Variants in VPS37A observed in about 807,000 individuals in gnomAD.
VPS37A encodes the protein vacuolar protein sorting-associated protein 37A.
In VPS37A, 30 loss-of-function variants were observed where a neutral mutation model predicts 49.8. The ratio of observed to expected loss-of-function variants is 0.60; its 90% CI spans 0.45 to 0.82. The LOEUF (loss-of-function observed/expected upper bound fraction) is 0.82, where lower values mean the gene tolerates loss of function less well. VPS37A is among the 40% of genes least tolerant of loss of function. The pLI, the probability that VPS37A is intolerant of heterozygous loss-of-function variation, is 0.00. For missense variants in VPS37A, 593 were observed against 464.4 expected, an observed-to-expected ratio of 1.28 and a Z score of -2.55; for synonymous variants, 195 against 160.6, an observed-to-expected ratio of 1.21 and a Z score of -1.62.
Position 17,274,965 on chromosome 8 carries a change from A to G in VPS37A, c.642+7A>G, listed in dbSNP as rs769392659. 1 of 1,610,428 alleles carries G rather than the reference A, an allele frequency of 6.2e-7. No homozygotes were observed. Among genetic ancestry groups the G allele is most frequent in the Non-Finnish European group, 8.5e-7 (1 of 1,176,724 alleles). On this transcript the variant is annotated splice_region_variant and intron_variant, in intron 5 of 11. Coordinates refer to ENST00000324849, the MANE Select transcript of VPS37A (RefSeq NM_152415.3). ...AGTGGATGCTTCAATACCGGTTGGTATCGTCAGTTATCTATATTTTGTGCC... is the reference window on the plus strand; with the variant it reads ...AGTGGATGCTTCAATACCGGTTGGTGTCGTCAGTTATCTATATTTTGTGCC...
chr8:17,294,301 C>A (rs1454005822), intron 11 of VPS37A, among the ~76,000 whole-genome samples: 1 of 152,132 alleles, frequency 6.6e-6, no homozygotes, highest in South Asian at 2.1e-4. Flanking sequence ...ACGCCCCTCC[C>A]CCCACCAAGC....
At chr8:17,319,025 G>C in the VPS37A span, among the ~76,000 whole-genome samples, 1 of 152,240 alleles carries the variant, frequency 6.6e-6, no homozygotes, top group Non-Finnish European at 1.5e-5. Context: ...AGCTTACTCT[G>C]CCATCTTGGG....
In VPS37A at chr8:17,256,738, C is replaced by T. The variant is rs574685807; in HGVS notation, c.126-9169C>T. Among the ~76,000 whole-genome samples, 7 of 151,916 alleles carry T rather than the reference C, an allele frequency of 4.6e-5. No individual in the cohort carries two copies. In the South Asian group the frequency reaches 1.5e-3, roughly 32 times the overall value. ...CACTGTCTCGGCTCACCACAACCTC[C>T]GCCTCCCGGATTCAAGCAATTTTCC... On this transcript the variant is annotated intron_variant, in intron 1 of 11. Transcript: ENST00000324849.
chr8:17,304,365 A>C (rs1817314237), downstream of VPS37A: 9 of 1,606,638 alleles, frequency 5.6e-6, no homozygotes, highest in Non-Finnish European at 7.7e-6. Context: ...CAAAGTTACC[A>C]AGGATTTACA....
At chr8:17,312,225 G>C in the VPS37A span, among the ~76,000 whole-genome samples, 4 of 152,162 alleles carry the variant, frequency 2.6e-5, no homozygotes, top group African/African-American at 9.7e-5. Flanking sequence ...AAACATGGGA[G>C]AGATTTCATC....
chr8:17,258,517 T>C (rs1399531557), intron 1 of VPS37A, among the ~76,000 whole-genome samples: 2 of 152,178 alleles, frequency 1.3e-5, no homozygotes, highest in Non-Finnish European at 2.9e-5. Context: ...TGATCTTTTT[T>C]AATGTTTTGT....
chr8:17,302,074 A>T (rs780790370), downstream of VPS37A: 1 of 1,572,672 alleles, frequency 6.4e-7, no homozygotes, highest in African/African-American at 1.4e-5. Context: ...TATTGCACTG[A>T]ATCTTAAGAG....
chr8:17,305,890 A>C (rs1159182426), downstream of VPS37A: 1 of 1,613,794 alleles, frequency 6.2e-7, no homozygotes, highest in Non-Finnish European at 8.5e-7. Context: ...ATTAACTGCC[A>C]AACACACTCA....
chr8:17,315,960 C>T, the VPS37A span, among the ~76,000 whole-genome samples: 1 of 152,316 alleles, frequency 6.6e-6, no homozygotes, highest in East Asian at 1.9e-4. Flanking sequence ...CTGCAGTGAG[C>T]TATGATCTTG....
downstream of VPS37A, among the ~76,000 whole-genome samples, chr8:17,302,711 C>CT (rs1554504088): frequency 1.2e-4 from 8 of 68,732 alleles, 1 homozygote; most frequent in African/African-American, 2.7e-4. Context: ...TAACCCCCCC[C>CT]CCCCCGCTTT....
Position 17,279,828 on chromosome 8 carries a change from A to T in VPS37A, c.714-200A>T, listed in dbSNP as rs1471887286. On this transcript the variant is annotated intron_variant, in intron 6 of 11. Coordinates refer to ENST00000324849, the MANE Select transcript of VPS37A (RefSeq NM_152415.3). ...ATTTACTTTTACAGATTCTGTCAAG[A>T]ATATATTACAGACTGCTCTATGTTC... is the stretch of plus-strand genomic sequence containing the variant. 10 of 669,246 alleles carry T rather than the reference A, an allele frequency of 1.5e-5. No homozygotes were observed. In the East Asian group the frequency reaches 3.2e-4, roughly 22 times the overall value. The allele number at this position is 669,246 out of a possible 1,614,324, so 41.5% of individuals were successfully genotyped here.
chr8:17,333,336 T>C, the VPS37A span, among the ~76,000 whole-genome samples: 1 of 152,260 alleles, frequency 6.6e-6, no homozygotes, highest in Admixed American at 6.5e-5. Flanking sequence ...AAATTACCTA[T>C]AGACATTGTT....
intron 1 of VPS37A, chr8:17,248,474 C>A (rs371343616): frequency 1.6e-5 from 7 of 433,280 alleles, no homozygotes; most frequent in East Asian, 7.1e-5. Context: ...CGGGGTTTCA[C>A]CACATTGGTC....
intron 1 of VPS37A, among the ~76,000 whole-genome samples, chr8:17,260,163 A>T (rs1812842832): frequency 6.6e-6 from 1 of 152,118 alleles, no homozygotes; most frequent in Admixed American, 6.5e-5. Context: ...CTTTGTAGGT[A>T]AGTGACTTTC....
chr8:17,273,201 A>G (rs1456233412), intron 4 of VPS37A, among the ~76,000 whole-genome samples: 3 of 151,860 alleles, frequency 2.0e-5, no homozygotes, highest in African/African-American at 7.3e-5. Flanking sequence ...CATGTTTTCT[A>G]ACCCTCCCTC....
intron 1 of VPS37A, among the ~76,000 whole-genome samples, chr8:17,253,030 G>A (rs1046252273): frequency 1.3e-5 from 2 of 152,148 alleles, no homozygotes; most frequent in South Asian, 2.1e-4. Flanking sequence ...AGCGTATGAC[G>A]CAATAAAGCA....
At chr8:17,275,110 A>C (rs1271934837) in intron 5 of VPS37A, 152 bp downstream of exon 5, 4 of 716,928 alleles carry the variant, frequency 5.6e-6, no homozygotes, top group Non-Finnish European at 9.0e-6. Flanking sequence ...ACAGGTAACC[A>C]ACAAATAATA....
At chr8:17,280,697 G>GT (rs1299527302) in intron 9 of VPS37A, among the ~76,000 whole-genome samples, 19 of 151,894 alleles carry the variant, frequency 1.3e-4, no homozygotes, top group Admixed American at 6.6e-4. Flanking sequence ...TTCTGGGTAA[G>GT]TTATGAAACC....
chr8:17,259,141 T>C (rs1812748153), intron 1 of VPS37A, among the ~76,000 whole-genome samples: 1 of 152,106 alleles, frequency 6.6e-6, no homozygotes, highest in South Asian at 2.1e-4. Flanking sequence ...TTGGTTCTTC[T>C]CTAGTTCATC....
Sources: gnomAD v4.1 joint callset for allele counts (sites outside exome capture counted in the v4.1 genomes callset) on GRCh38, gnomAD v4.1.1 for gene constraint, MANE v1.5 for transcripts, NCBI Gene and HGNC (gene_info 2026-07-23, HGNC 2026-07-21) for gene names.